The following UBE3D variants were observed in gnomAD, a reference collection of about 807,000 sequenced individuals.
UBE3D encodes the protein ubiquitin protein ligase E3D.
A neutral mutation model predicts 49.6 loss-of-function variants in UBE3D; 48 were observed. The ratio of observed to expected loss-of-function variants is 0.97; its 90% CI spans 0.77 to 1.23. The LOEUF (loss-of-function observed/expected upper bound fraction) is 1.23, where lower values mean the gene tolerates loss of function less well. Ranked by LOEUF, UBE3D falls within the 50% of genes most tolerant of loss-of-function variation. UBE3D has a pLI of 0.00. For missense variants in UBE3D, 452 were observed against 468.4 expected (o/e 0.96, Z 0.32); for synonymous variants, 189 against 174.2 (o/e 1.08, Z -0.67).
chr6:82,925,092 C>T (rs1773647290), intron 9 of UBE3D: 1 of 152,810 alleles, frequency 6.5e-6, no homozygotes, highest in Non-Finnish European at 1.5e-5. Flanking sequence ...CAGCCATGGT[C>T]CCCCATTGCA....
At chr6:83,018,212 C>A (rs1780830393) in intron 8 of UBE3D, 1 of 152,202 alleles carries the variant, frequency 6.6e-6, no homozygotes, top group Non-Finnish European at 1.5e-5. Flanking sequence ...GAGTACAGGA[C>A]AAGTACAAAC....
intron 8 of UBE3D, among the ~76,000 whole-genome samples, chr6:82,968,904 A>G (rs933336517): frequency 6.6e-6 from 1 of 152,154 alleles, no homozygotes; most frequent in African/African-American, 2.4e-5. Flanking sequence ...GAGGTGCTTC[A>G]TTGCACAACT....
intron 3 of UBE3D, among the ~76,000 whole-genome samples, chr6:83,046,826 G>C (rs1033140676): frequency 6.6e-6 from 1 of 152,082 alleles, no homozygotes; most frequent in Non-Finnish European, 1.5e-5. Flanking sequence ...ACCAATCCAT[G>C]AATTCAAGGC....
the UBE3D span, among the ~76,000 whole-genome samples, chr6:82,887,197 G>A: frequency 2.6e-5 from 4 of 151,230 alleles, no homozygotes; most frequent in Non-Finnish European, 5.9e-5. Flanking sequence ...GGTGGCAGGT[G>A]CCTGTAGTCT....
At chr6:82,911,196 CA>C (rs1156620624) in intron 9 of UBE3D, among the ~76,000 whole-genome samples, 1,200 of 39,316 alleles carry the variant, frequency 0.031, 4 homozygotes, top group Non-Finnish European at 0.044. Flanking sequence ...AACATTTTGG[CA>C]AAAAAAAAAA....
At chr6:83,026,834 G>A (rs1040078257) in intron 5 of UBE3D, among the ~76,000 whole-genome samples, 5 of 152,040 alleles carry the variant, frequency 3.3e-5, no homozygotes, top group Non-Finnish European at 7.3e-5. Context: ...TAGCACTACA[G>A]GCATGCACCA....
At chr6:82,898,766 T>A (rs982830511) in intron 9 of UBE3D, among the ~76,000 whole-genome samples, 5 of 152,218 alleles carry the variant, frequency 3.3e-5, no homozygotes, top group African/African-American at 1.2e-4. Context: ...CCATGGCACA[T>A]GTATGCCTAT....
At chr6:82,957,843 C>G (rs528048515) in intron 8 of UBE3D, among the ~76,000 whole-genome samples, 1 of 152,142 alleles carries the variant, frequency 6.6e-6, no homozygotes, top group African/African-American at 2.4e-5. Context: ...CTATTGTTAT[C>G]CCCATTCTAC....
intron 4 of UBE3D, among the ~76,000 whole-genome samples, chr6:83,042,721 G>T (rs1342267211): frequency 6.6e-6 from 1 of 152,002 alleles, no homozygotes; most frequent in African/African-American, 2.4e-5. Flanking sequence ...CCTTGATATT[G>T]TCTCATCAAA....
chr6:82,950,499 G>T (rs1562113788), intron 9 of UBE3D, among the ~76,000 whole-genome samples: 1 of 152,128 alleles, frequency 6.6e-6, no homozygotes, highest in South Asian at 2.1e-4. Flanking sequence ...TGGGCACAGT[G>T]GCTTACAGCT....
At chr6:82,921,725 C>G (rs376434153) in intron 9 of UBE3D, among the ~76,000 whole-genome samples, 54 of 152,232 alleles carry the variant, frequency 3.5e-4, no homozygotes, top group Admixed American at 1.8e-3. Flanking sequence ...GCCTCACTAA[C>G]AGTCCTCTAT....
intron 8 of UBE3D, chr6:83,018,676 T>C (rs538872238): frequency 1.7e-5 from 5 of 294,290 alleles, no homozygotes; most frequent in South Asian, 4.3e-5. Context: ...AAAGTGCTTA[T>C]TGGTAAATAT....
chr6:82,922,760 A>G (rs1562086531), intron 9 of UBE3D, among the ~76,000 whole-genome samples: 1 of 152,186 alleles, frequency 6.6e-6, no homozygotes. Context: ...AAAAGAAACA[A>G]TCATCAGAGT....
chr6:83,059,138 T>C (rs1784003279), intron 1 of UBE3D, among the ~76,000 whole-genome samples: 1 of 152,016 alleles, frequency 6.6e-6, no homozygotes, highest in African/African-American at 2.4e-5. Context: ...TCCTAGCACT[T>C]TGGGAGGCTG....
intron 1 of UBE3D, among the ~76,000 whole-genome samples, chr6:83,063,612 T>C (rs1052678843): frequency 1.3e-5 from 2 of 152,070 alleles, no homozygotes. Context: ...CATATATGAA[T>C]TGCTAAAAAG....
intron 8 of UBE3D, among the ~76,000 whole-genome samples, chr6:82,982,669 CA>C (rs1339863205): frequency 3.9e-5 from 6 of 152,164 alleles, no homozygotes; most frequent in Admixed American, 2.0e-4. Context: ...TGGGGTTATA[CA>C]CTTCTGTCAG....
intron 8 of UBE3D, among the ~76,000 whole-genome samples, chr6:82,992,246 G>A (rs1040237694): frequency 5.1e-5 from 6 of 117,516 alleles, no homozygotes; most frequent in Non-Finnish European, 8.3e-5. Context: ...TTTTTGAGAT[G>A]GAGTCTCGCT....
At chr6:82,924,010 G>A (rs1773557013) in intron 9 of UBE3D, among the ~76,000 whole-genome samples, 1 of 151,006 alleles carries the variant, frequency 6.6e-6, no homozygotes, top group Non-Finnish European at 1.5e-5. Flanking sequence ...TGTGTACCTG[G>A]TCCTTCAAAA....
intron 9 of UBE3D, among the ~76,000 whole-genome samples, chr6:82,943,561 A>G (rs1258812022): frequency 6.6e-6 from 1 of 152,016 alleles, no homozygotes; most frequent in Non-Finnish European, 1.5e-5. Flanking sequence ...GCTTGGGCCC[A>G]GAAGGTGGAG....
Sources: allele counts gnomAD v4.1 joint callset (sites outside exome capture counted in the v4.1 genomes callset), GRCh38; gene constraint gnomAD v4.1.1; transcripts MANE v1.5; gene names NCBI Gene and HGNC (gene_info 2026-07-23, HGNC 2026-07-21).